CHODL: variants seen among roughly 807,000 people sequenced by gnomAD.
CHODL encodes the protein transmembrane protein MT75.
CHODL carries 29 observed loss-of-function variants against 34.5 expected under a neutral mutation model. The observed-to-expected ratio is 0.84, with a 90% CI of 0.63 to 1.15. The LOEUF (loss-of-function observed/expected upper bound fraction) is 1.15. Among genes scored for constraint, CHODL ranks in the 50% most tolerant of loss-of-function variants. The pLI, the probability that CHODL is intolerant of heterozygous loss-of-function variation, is 0.00. For missense variants in CHODL, 332 were observed against 332.5 expected, an observed-to-expected ratio of 1.00 and a Z score of 0.01; for synonymous variants, 125 against 116.1, an observed-to-expected ratio of 1.08 and a Z score of -0.49.
chr21:18,026,209 C>A (rs955080598), intron 1 of CHODL, among the ~76,000 whole-genome samples: 2 of 152,138 alleles, frequency 1.3e-5, no homozygotes, highest in Non-Finnish European at 2.9e-5. Context: ...GTGACAAATA[C>A]GTCAACCTCA....
intron 1 of CHODL, among the ~76,000 whole-genome samples, chr21:17,951,235 A>G (rs1411326735): frequency 2.6e-5 from 4 of 151,862 alleles, no homozygotes; most frequent in African/African-American, 9.7e-5. Flanking sequence ...ATTTTCTTTC[A>G]GCCTAGGATC....
intron 1 of CHODL, 47 bp from the exon 2 acceptor site, chr21:18,256,462 A>G: frequency 6.6e-7 from 1 of 1,508,768 alleles, no homozygotes; most frequent in Non-Finnish European, 8.9e-7. Flanking sequence ...GTTGTTACAA[A>G]TAGAGTTCCG....
At chr21:18,121,720 T>C (rs1461182602) in intron 2 of CHODL, among the ~76,000 whole-genome samples, 1 of 152,144 alleles carries the variant, frequency 6.6e-6, no homozygotes, top group Admixed American at 6.5e-5. Flanking sequence ...AATCCTTTTT[T>C]CTTGTAGAGC....
intron 1 of CHODL, among the ~76,000 whole-genome samples, chr21:17,980,295 T>C (rs1357719782): frequency 6.6e-6 from 1 of 152,172 alleles, no homozygotes; most frequent in Non-Finnish European, 1.5e-5. Flanking sequence ...GACCATTATT[T>C]ACCCTATCTA....
chr21:18,174,768 G>T (rs1312355900), intron 2 of CHODL, among the ~76,000 whole-genome samples: 1 of 152,082 alleles, frequency 6.6e-6, no homozygotes, highest in Non-Finnish European at 1.5e-5. Flanking sequence ...ACCTTATTTT[G>T]TGCCACAGAT....
chr21:18,161,030 T>G lies in CHODL; in HGVS notation c.-44-95479T>G, dbSNP rs2073089301. Among the ~76,000 whole-genome samples, 3 of 152,186 alleles carry G rather than the reference T, an allele frequency of 2.0e-5. No homozygotes were observed. In the South Asian group the frequency reaches 6.2e-4, roughly 31 times the overall value. On this transcript the variant is annotated intron_variant, in intron 2 of 6. Transcript: ENST00000400127. The stretch of plus-strand genomic sequence containing the variant: ...ACTTTTTAATAATAGCCATTCTGAT[T>G]GGTGTGAGATGGTATCTCATTGTGG...
At chr21:18,103,977 C>G (rs2065244849) in intron 2 of CHODL, among the ~76,000 whole-genome samples, 1 of 152,196 alleles carries the variant, frequency 6.6e-6, no homozygotes, top group African/African-American at 2.4e-5. Context: ...TACTCCAGTA[C>G]AGTTGTTGTG....
chr21:18,161,681 C>T (rs79720388), intron 2 of CHODL, among the ~76,000 whole-genome samples: 15,863 of 152,118 alleles, frequency 0.1, 916 homozygotes, highest in Middle Eastern at 0.15. Context: ...TTTTTCAAGT[C>T]TTAGATTTTT....
At chr21:17,921,596 C>T (rs923427745) in intron 1 of CHODL, among the ~76,000 whole-genome samples, 1 of 152,218 alleles carries the variant, frequency 6.6e-6, no homozygotes, top group Admixed American at 6.5e-5. Context: ...GTGGAATAGA[C>T]ATTTATCCAC....
chr21:18,052,098 C>T (rs1276701290), intron 2 of CHODL, among the ~76,000 whole-genome samples: 1 of 151,822 alleles, frequency 6.6e-6, no homozygotes, highest in African/African-American at 2.4e-5. Context: ...GTTTAAATTG[C>T]TCCCAAGAAT....
intron 2 of CHODL, among the ~76,000 whole-genome samples, chr21:18,098,984 A>G (rs1470459263): frequency 1.3e-5 from 2 of 152,178 alleles, no homozygotes; most frequent in Non-Finnish European, 2.9e-5. Flanking sequence ...ATGGAAAGAC[A>G]AACATCGTAT....
At chr21:18,011,935 A>C (rs952104744) in intron 1 of CHODL, among the ~76,000 whole-genome samples, 1 of 152,208 alleles carries the variant, frequency 6.6e-6, no homozygotes, top group Non-Finnish European at 1.5e-5. Flanking sequence ...GAAGACTACA[A>C]ATCAACTTAG....
chr21:18,046,920 T>C (rs1346871839), intron 2 of CHODL, among the ~76,000 whole-genome samples: 1 of 151,940 alleles, frequency 6.6e-6, no homozygotes. Context: ...CAAGCTAATT[T>C]TCACGTCTCC....
rs2063482763 is a variant in CHODL, at chr21:17,954,537, G to C, written c.-145+37137G>C. Among the ~76,000 whole-genome samples, 2 of 136,768 alleles carry C rather than the reference G, an allele frequency of 1.5e-5. 1 individual carries two copies. The highest frequency in any genetic ancestry group is 5.6e-4 in the South Asian group (2 of 3,548). 89.7% of individuals were successfully genotyped at this position (136,768 alleles called of 152,430 possible). Reference sequence around the variant, plus strand: ...GCCTAACTAGAACAAAGAGACAGAGGAAGGGAGAATTTGTTCTCTCTGCCT... The same window carrying C: ...GCCTAACTAGAACAAAGAGACAGAGCAAGGGAGAATTTGTTCTCTCTGCCT... On this transcript the variant is annotated intron_variant, in intron 1 of 6. Coordinates refer to the CHODL transcript ENST00000400127.
At chr21:18,138,873 T>C (rs1421671771) in intron 2 of CHODL, among the ~76,000 whole-genome samples, 1 of 152,126 alleles carries the variant, frequency 6.6e-6, no homozygotes, top group Non-Finnish European at 1.5e-5. Flanking sequence ...GACTTAGGAA[T>C]ATATCAAATA....
At chr21:17,945,808 A>G (rs2063402850) in intron 1 of CHODL, among the ~76,000 whole-genome samples, 2 of 152,224 alleles carry the variant, frequency 1.3e-5, no homozygotes, top group Admixed American at 1.3e-4. Flanking sequence ...TAATAATCAA[A>G]CTATCAAAAA....
intron 2 of CHODL, among the ~76,000 whole-genome samples, chr21:18,129,139 A>G (rs2072620035): frequency 6.6e-6 from 1 of 152,116 alleles, no homozygotes; most frequent in Non-Finnish European, 1.5e-5. Context: ...TATTAAAAAG[A>G]GTTTAATGAT....
chr21:18,103,575 C>A (rs1221744423), intron 2 of CHODL, among the ~76,000 whole-genome samples: 1 of 152,120 alleles, frequency 6.6e-6, no homozygotes, highest in Non-Finnish European at 1.5e-5. Context: ...TGTGGCATTG[C>A]CTGTCTCTCA....
intron 2 of CHODL, among the ~76,000 whole-genome samples, chr21:18,168,579 G>A (rs923739026): frequency 6.6e-6 from 1 of 152,128 alleles, no homozygotes; most frequent in East Asian, 1.9e-4. Flanking sequence ...CTTCTATGGA[G>A]AAATATCTAT....
Sources: gnomAD v4.1 joint callset for allele counts (sites outside exome capture counted in the v4.1 genomes callset) on GRCh38, gnomAD v4.1.1 for gene constraint, MANE v1.5 for transcripts, NCBI Gene and HGNC (gene_info 2026-07-23, HGNC 2026-07-21) for gene names.